The following RNF212B variants were observed in gnomAD, a reference collection of about 807,000 sequenced individuals.
The protein encoded by RNF212B is ring finger protein 212B.
RNF212B carries 52 observed loss-of-function variants against 55.5 expected under a neutral mutation model. The observed-to-expected ratio is 0.94, with a 90% CI of 0.75 to 1.18. The LOEUF is 1.18. RNF212B is among the 50% of genes most tolerant of loss of function. RNF212B has a pLI of 0.00. For synonymous variants in RNF212B, 99 were observed against 121.4 expected, an observed-to-expected ratio of 0.82 and a Z score of 1.21; for missense variants, 289 against 350.4, an observed-to-expected ratio of 0.82 and a Z score of 1.40.
chr14:23,199,990 C>G (rs1482783097), intron 2 of RNF212B, among the ~76,000 whole-genome samples: 1 of 151,616 alleles, frequency 6.6e-6, no homozygotes, highest in African/African-American at 2.4e-5. Flanking sequence ...TAGAATTCAG[C>G]CCAAACTGTA....
chr14:23,266,147 C>T (rs944793381), intron 11 of RNF212B, among the ~76,000 whole-genome samples: 4 of 151,872 alleles, frequency 2.6e-5, no homozygotes, highest in Non-Finnish European at 4.4e-5. Flanking sequence ...TTAGTAGCGA[C>T]GGGGTTTCAC....
At position 23,264,604 on chromosome 14, in the gene RNF212B, C is replaced by T. The variant is rs1885539765; in HGVS notation, c.586-19C>T. On this transcript the variant is annotated intron_variant, in intron 10 of 14. Transcript: ENST00000430154. The stretch of plus-strand genomic sequence containing the variant: ...ACTGAGATATATTTATTAATTGATG[C>T]TTATTATTTGTCTATCAGGGAGGCA... The T allele has an allele frequency of 7.6e-7, 1 of 1,321,050 alleles. No homozygotes were observed. The highest frequency in any genetic ancestry group is 9.8e-7 in the Non-Finnish European group (1 of 1,023,976). The allele number at this position is 1,321,050 out of a possible 1,614,324, so 81.8% of individuals were successfully genotyped here. A position where few individuals can be genotyped will look rare whatever the true frequency, so the allele number is the denominator to read the frequency against.
chr14:23,264,808 A>G (rs540086607), intron 11 of RNF212B, 137 bp downstream of exon 11: 13 of 394,346 alleles, frequency 3.3e-5, no homozygotes, highest in Admixed American at 4.8e-5. Context: ...ATCCATACAT[A>G]TATTACAAGG....
chr14:23,199,247 A>G (rs1003712694), intron 2 of RNF212B, among the ~76,000 whole-genome samples: 3 of 152,250 alleles, frequency 2.0e-5, no homozygotes, highest in Non-Finnish European at 4.4e-5. Context: ...ATCAATCAAT[A>G]TATGTAAGAA....
At chr14:23,230,383 G>A (rs1176763900) in intron 2 of RNF212B, among the ~76,000 whole-genome samples, 3 of 151,928 alleles carry the variant, frequency 2.0e-5, no homozygotes, top group Non-Finnish European at 4.4e-5. Context: ...GGCCGGGCGC[G>A]GTGGCTCACG....
At chr14:23,271,066 T>G (rs1227693162) in intron 14 of RNF212B, among the ~76,000 whole-genome samples, 1 of 152,168 alleles carries the variant, frequency 6.6e-6, no homozygotes, top group African/African-American at 2.4e-5. Context: ...ATTTTATAAA[T>G]TTATGGGACT....
At chr14:23,260,815 G>GAGTT (rs1885241282) in intron 7 of RNF212B, 128 bp downstream of exon 7, 1 of 846,412 alleles carries the variant, frequency 1.2e-6, no homozygotes. Context: ...CTCCGAGGAA[G>GAGTT]AGTTAGTTAC....
At chr14:23,249,817 A>G (rs1594931891) in intron 4 of RNF212B, among the ~76,000 whole-genome samples, 1 of 152,128 alleles carries the variant, frequency 6.6e-6, no homozygotes, top group Non-Finnish European at 1.5e-5. Flanking sequence ...CAATTCTCCA[A>G]TTGCTTTTGC....
chr14:23,237,947 C>T lies in RNF212B; in HGVS notation c.-110C>T, dbSNP rs927889137. Among the ~76,000 whole-genome samples, 1 of 152,226 alleles carries T rather than the reference C, an allele frequency of 6.6e-6. No individual in the cohort carries two copies. The highest frequency in any genetic ancestry group is 2.4e-5 in the African/African-American group (1 of 41,454). ...CGGCTGCGCCCAGCCTCTTTCCTCA[C>T]CCGGTGCCAAGCCAGCTGTTTACTT... On this transcript the variant is annotated 5_prime_UTR_variant, in exon 1 of 15. Transcript: ENST00000430154.
chr14:23,216,879 CAAAAAAAAA>C (rs59923716), intron 2 of RNF212B, among the ~76,000 whole-genome samples: 2 of 48,756 alleles, frequency 4.1e-5, no homozygotes, highest in Non-Finnish European at 6.8e-5. Flanking sequence ...GACCCTGTCT[CAAAAAAAAA>C]AAAAAAAAAA....
At chr14:23,240,549 G>C (rs1261633711) in intron 2 of RNF212B, 104 bp downstream of exon 2, 1 of 658,380 alleles carries the variant, frequency 1.5e-6, no homozygotes, top group Non-Finnish European at 2.6e-6. Flanking sequence ...TCACTTATTA[G>C]GTCAATGGTG....
chr14:23,258,760 C>G (rs1885057268), intron 5 of RNF212B, 96 bp downstream of exon 5: 1 of 503,132 alleles, frequency 2.0e-6, no homozygotes, highest in South Asian at 4.0e-5. Context: ...GGAAATTGCT[C>G]CATATGTATT....
intron 2 of RNF212B, among the ~76,000 whole-genome samples, chr14:23,224,001 A>G (rs1166930908): frequency 6.6e-6 from 1 of 152,198 alleles, no homozygotes; most frequent in Admixed American, 6.5e-5. Context: ...AGCCACATAT[A>G]AAATTAATTA....
At chr14:23,216,426 G>T (rs1488925720) in intron 2 of RNF212B, among the ~76,000 whole-genome samples, 2 of 151,916 alleles carry the variant, frequency 1.3e-5, no homozygotes, top group African/African-American at 4.8e-5. Flanking sequence ...GAATCAAATA[G>T]CATACTTAAT....
Position 23,224,378 on chromosome 14 carries a change from A to T in RNF212B, c.-1-15967A>T, listed in dbSNP as rs567715075. Among the ~76,000 whole-genome samples the T allele has an allele frequency of 2.6e-5, 4 of 152,364 alleles. No homozygotes were observed. In the South Asian group the frequency reaches 6.2e-4, roughly 24 times the overall value. ...ACTGCAGAGCTAAAGTAACCAAAAC[A>T]GCATGCTACTAGCATAAAACCAGAC... On this transcript the variant is annotated intron_variant, in intron 2 of 15. Transcript: ENST00000399910.
At chr14:23,244,684 A>AT (rs1883862404) in intron 4 of RNF212B, among the ~76,000 whole-genome samples, 1 of 152,156 alleles carries the variant, frequency 6.6e-6, no homozygotes. Flanking sequence ...GAGCTTTATC[A>AT]TTTTTCTCAG....
intron 2 of RNF212B, among the ~76,000 whole-genome samples, chr14:23,226,488 G>A (rs1471851070): frequency 2.0e-5 from 3 of 151,592 alleles, no homozygotes; most frequent in African/African-American, 7.3e-5. Context: ...AAAATTAGCC[G>A]GACATGGCGG....
chr14:23,235,638 C>G (rs557003733), upstream of RNF212B, among the ~76,000 whole-genome samples: 1 of 152,260 alleles, frequency 6.6e-6, no homozygotes, highest in East Asian at 1.9e-4. Context: ...GACAGCTTCC[C>G]AAGACTCAAA....
intron 2 of RNF212B, among the ~76,000 whole-genome samples, chr14:23,210,591 C>A (rs1719311866): frequency 6.6e-6 from 1 of 151,584 alleles, no homozygotes; most frequent in South Asian, 2.1e-4. Context: ...GTCTTGCCAA[C>A]ATAGTGAAAC....
Sources: allele counts gnomAD v4.1 joint callset (sites outside exome capture counted in the v4.1 genomes callset), GRCh38; gene constraint gnomAD v4.1.1; transcripts MANE v1.5; gene names NCBI Gene and HGNC (gene_info 2026-07-23, HGNC 2026-07-21).